The following PCDHGB5 variants were observed in gnomAD, a reference collection of about 807,000 sequenced individuals.
The protein encoded by PCDHGB5 is protocadherin gamma-B5.
PCDHGB5 carries 48 observed loss-of-function variants against 62.9 expected under a neutral mutation model. The ratio of observed to expected loss-of-function variants is 0.76; its 90% CI spans 0.61 to 0.97. The LOEUF (loss-of-function observed/expected upper bound fraction) is 0.97. Ranked by LOEUF, PCDHGB5 falls within the 50% of genes least tolerant of loss-of-function variation. The pLI is 0.00. For synonymous variants in PCDHGB5, 474 were observed against 511.2 expected, an observed-to-expected ratio of 0.93 and a Z score of 0.98; for missense variants, 1,118 against 1,198.6, an observed-to-expected ratio of 0.93 and a Z score of 0.99.
intron 2 of PCDHGB5, 141 bp downstream of exon 2, chr5:141,495,006 G>A (rs1030195663): frequency 1.3e-6 from 2 of 1,521,564 alleles, no homozygotes; most frequent in Non-Finnish European, 1.8e-6. Flanking sequence ...CTTGGTGTGC[G>A]GGGGGCTGGC....
chr5:141,464,260 G>A (rs546781463), intron 1 of PCDHGB5, among the ~76,000 whole-genome samples: 1 of 131,668 alleles, frequency 7.6e-6, no homozygotes, highest in Non-Finnish European at 1.6e-5. Flanking sequence ...GCGAGACTCC[G>A]TCTAAAAAAA....
At chr5:141,457,953 C>G (rs12188170) in intron 1 of PCDHGB5, among the ~76,000 whole-genome samples, 6,291 of 152,286 alleles carry the variant, frequency 0.041, 196 homozygotes, top group Admixed American at 0.075. Context: ...GCATGTCAAG[C>G]TTGATTCCTT....
At position 141,491,514 on chromosome 5, in the gene PCDHGB5, G is replaced by A. The variant is rs753335815; in HGVS notation, c.2398-3293G>A. ...AGGTGAGCTCGGACGGCACGCTCAAGTACATGGAGGTGACGCTGCGGCCCA... is the reference window on the plus strand; with the variant it reads ...AGGTGAGCTCGGACGGCACGCTCAAATACATGGAGGTGACGCTGCGGCCCA... On this transcript the variant is annotated intron_variant, in intron 1 of 3. Coordinates refer to ENST00000617380, the MANE Select transcript of PCDHGB5 (RefSeq NM_018925.3). The surrounding 1 kb of genome is among the most constrained non-coding windows in gnomAD (Gnocchi z 6.9). 2 of 1,613,964 alleles carry A rather than the reference G, an allele frequency of 1.2e-6. No individual in the cohort carries two copies. Among genetic ancestry groups the A allele is most frequent in the East Asian group, 2.2e-5 (1 of 44,892 alleles).
chr5:141,470,768 G>T (rs2099239559), intron 1 of PCDHGB5, among the ~76,000 whole-genome samples: 1 of 152,142 alleles, frequency 6.6e-6, no homozygotes, highest in South Asian at 2.1e-4. Context: ...ACTCACTACA[G>T]TCTTGAATTC....
At chr5:141,473,229 T>G (rs891825934) in intron 1 of PCDHGB5, among the ~76,000 whole-genome samples, 8 of 152,160 alleles carry the variant, frequency 5.3e-5, no homozygotes, top group Admixed American at 1.3e-4. Context: ...GGAGATTGGA[T>G]CCACACAAGT....
rs2154586601 is a variant in PCDHGB5, at chr5:141,491,555, A to G, written c.2398-3252A>G. The G allele has an allele frequency of 6.2e-7, 1 of 1,613,986 alleles. No homozygotes were observed. The highest frequency in any genetic ancestry group is 2.2e-5 in the East Asian group (1 of 44,862). ...CTGCGGCCCACAGACTCGCAGAGCC[A>G]CTGCTACAGGACGTGCTTTTCACCG... On this transcript the variant is annotated intron_variant, in intron 1 of 3. Transcript: ENST00000617380. This position sits in a 1 kb window ranked among gnomAD's most constrained non-coding sequence, Gnocchi z 6.9.
intron 1 of PCDHGB5, among the ~76,000 whole-genome samples, chr5:141,456,714 C>T (rs1456452530): frequency 6.6e-6 from 1 of 152,176 alleles, no homozygotes; most frequent in Non-Finnish European, 1.5e-5. Flanking sequence ...CCTGTAATCC[C>T]AGCACTTTGG....
Position 141,512,703 on chromosome 5 carries a change from T to C in PCDHGB5, c.*1530T>C. ...TAGCCAGTAGTGTAGTGCGGTGTGC[T>C]TTTACGTGATGGCGGGTGGGCAGCG... On this transcript the variant is annotated 3_prime_UTR_variant, in exon 4 of 4. Coordinates refer to ENST00000617380, the MANE Select transcript of PCDHGB5 (RefSeq NM_018925.3). 1 of 152,958 alleles carries C rather than the reference T, an allele frequency of 6.5e-6. No individual in the cohort carries two copies. Among genetic ancestry groups the C allele is most frequent in the East Asian group, 1.9e-4 (1 of 5,212 alleles). 9.5% of individuals were successfully genotyped at this position (152,958 alleles called of 1,614,324 possible).
intron 1 of PCDHGB5, chr5:141,422,035 C>A: frequency 6.2e-7 from 1 of 1,611,086 alleles, no homozygotes; most frequent in South Asian, 1.1e-5. Flanking sequence ...TGCAACGGAT[C>A]CAGACGAGGG....
At chr5:141,422,074 C>A (rs886758924) in intron 1 of PCDHGB5, 1 of 1,612,264 alleles carries the variant, frequency 6.2e-7, no homozygotes, top group African/African-American at 1.3e-5. Flanking sequence ...GTATTCATTT[C>A]GGAACATGGA....
rs77976889 is a variant in PCDHGB5, at chr5:141,493,704, G to C, written c.2398-1103G>C. On this transcript the variant is annotated intron_variant, in intron 1 of 3. Transcript: ENST00000617380. This position sits in a 1 kb window ranked among gnomAD's most constrained non-coding sequence, Gnocchi z 4.3. ...GTGCTGGTGACTCCCGATACACCTG[G>C]AATGCTAGGTTTCTGGGTTCTGCTC... Among the ~76,000 whole-genome samples the C allele has an allele frequency of 1.7e-3, 258 of 152,278 alleles. 2 individuals are homozygous for C. The highest frequency in any genetic ancestry group is 5.7e-3 in the African/African-American group (237 of 41,540).
Position 141,400,265 on chromosome 5 carries a change from G to T in PCDHGB5, c.2138G>T (p.Arg713Leu), listed in dbSNP as rs2093992954. The T allele has an allele frequency of 6.2e-7, 1 of 1,613,876 alleles. No homozygotes were observed. The change falls in exon 1 of 4, where the codon CGC (arginine) becomes CTC (leucine). Residue 713 changes from arginine (R) to leucine (L), a missense_variant. By Grantham distance (102) the Arg-to-Leu change is moderately radical. Transcript: ENST00000617380. ...CTGGCCGTTGCCTTGCGCCTGCGAC[G>T]CTCCTCCAGCCCTGCCGCCTGGAGC... ...VILAVALRLR[R>L]SSSPAAWSCF...
At chr5:141,499,057 A>G (rs1361057448) in intron 2 of PCDHGB5, among the ~76,000 whole-genome samples, 1 of 152,036 alleles carries the variant, frequency 6.6e-6, no homozygotes, top group Non-Finnish European at 1.5e-5. Flanking sequence ...GAAAAAATGA[A>G]GAAGACTTAC....
At chr5:141,478,723 A>C in intron 1 of PCDHGB5, 16 of 1,543,220 alleles carry the variant, frequency 1.0e-5, no homozygotes, top group Non-Finnish European at 1.3e-5. Flanking sequence ...GTGGCCTGCC[A>C]GAGTGTGGTT....
At position 141,400,126 on chromosome 5, in the gene PCDHGB5, G is replaced by C; in HGVS notation, c.1999G>C (p.Val667Leu). The change falls in exon 1 of 4, where the codon GTG becomes CTG. Residue 667 changes from valine (V) to leucine (L), a missense_variant. By Grantham distance (32) the Val-to-Leu change is conservative (BLOSUM62 1). Transcript: ENST00000617380. ...HLVFADSLQE[V>L]LPDITDRPVP... The stretch of plus-strand genomic sequence containing the variant: ...GGTCTTTGCTGACAGCTTGCAGGAG[G>C]TGCTGCCGGATATCACTGACCGCCC... The C allele has an allele frequency of 6.2e-7, 1 of 1,614,090 alleles. No individual in the cohort carries two copies.
chr5:141,419,744 G>C (rs760207269), intron 1 of PCDHGB5: 1 of 1,613,896 alleles, frequency 6.2e-7, no homozygotes, highest in Non-Finnish European at 8.5e-7. Context: ...GGTGCGCATG[G>C]TGCGTGCTTT....
intron 1 of PCDHGB5, among the ~76,000 whole-genome samples, chr5:141,456,052 C>T (rs2098841739): frequency 1.3e-5 from 2 of 151,970 alleles, no homozygotes; most frequent in South Asian, 4.1e-4. Flanking sequence ...CGCCCACCAC[C>T]ACGTCCGGCT....
At position 141,408,387 on chromosome 5, in the gene PCDHGB5, C is replaced by T. The variant is rs774250271; in HGVS notation, c.2397+7863C>T. Reference sequence around the variant, plus strand: ...CTAGGGCTCAGTGTCCTGGATGTGTCGGCTCGCAAGCTGCGAGTGAGCGCG... The same window carrying T: ...CTAGGGCTCAGTGTCCTGGATGTGTTGGCTCGCAAGCTGCGAGTGAGCGCG... On this transcript the variant is annotated intron_variant, in intron 1 of 3. Transcript: ENST00000617380. 1.2e-5 allele frequency: 20 copies of T among 1,613,890 alleles called. No homozygotes were observed. Among genetic ancestry groups the T allele is most frequent in the Non-Finnish European group, 1.6e-5 (19 of 1,179,880 alleles).
intron 1 of PCDHGB5, chr5:141,428,257 G>T: frequency 1.2e-6 from 1 of 865,866 alleles, no homozygotes; most frequent in South Asian, 1.4e-5. Context: ...AGACTTCAGT[G>T]ACAGTCCTGT....
Sources: gnomAD v4.1 joint callset for allele counts (sites outside exome capture counted in the v4.1 genomes callset) on GRCh38, gnomAD v4.1.1 for gene constraint, Gnocchi (gnomAD v3.1) non-coding constraint, MANE v1.5 for transcripts, NCBI Gene and HGNC (gene_info 2026-07-23, HGNC 2026-07-21) for gene names.